TBXAS1: variants seen among roughly 807,000 people sequenced by gnomAD.
TBXAS1 encodes the protein thromboxane A synthase 1, also known as thromboxane-A synthase.
Under a neutral mutation model 60.7 loss-of-function variants are expected in TBXAS1, and 48 were observed. The observed-to-expected ratio is 0.79, with a 90% CI of 0.63 to 1.01. TBXAS1 has a LOEUF of 1.01. Ranked by LOEUF, TBXAS1 falls within the 50% of genes least tolerant of loss-of-function variation. TBXAS1 has a pLI of 0.00. For synonymous variants in TBXAS1, 287 were observed against 269.7 expected (o/e 1.06, Z -0.63); for missense variants, 685 against 686.3 (o/e 1.00, Z 0.02).
rs2116442507 is a variant in TBXAS1, at chr7:140,013,540, G to A, written c.1227-2183G>A. Among the ~76,000 whole-genome samples the A allele has an allele frequency of 6.6e-6, 1 of 152,356 alleles. No individual in the cohort carries two copies. Among genetic ancestry groups the A allele is most frequent in the African/African-American group, 2.4e-5 (1 of 41,588 alleles). On this transcript the variant is annotated intron_variant, in intron 10 of 12. Transcript: ENST00000448866. The surrounding 1 kb of genome is among the most constrained non-coding windows in gnomAD (Gnocchi z 4.2). ...AATGGTGCTTTCTTGAGTCACGGGT[G>A]TTGGTTGTAAGAAACTGGTGGGGTA...
chr7:140,004,626 A>C lies in TBXAS1; in HGVS notation c.1135-2465A>C, dbSNP rs913799314. 6.6e-6 allele frequency among the ~76,000 whole-genome samples: 1 copy of C among 152,022 alleles called. No individual in the cohort carries two copies. The highest frequency in any genetic ancestry group is 2.4e-5 in the African/African-American group (1 of 41,390). On this transcript the variant is annotated intron_variant, in intron 9 of 12. Transcript: ENST00000448866. This position sits in a 1 kb window ranked among gnomAD's most constrained non-coding sequence, Gnocchi z 5.1. ...CTGGACATACTGGATGAGCGGGGGG[A>C]GTCCAGACCCTTCCAGGCATCCAAG...
chr7:139,857,668 C>T lies in TBXAS1; in HGVS notation c.90-14567C>T, dbSNP rs919292022. On this transcript the variant is annotated intron_variant, in intron 1 of 12. Transcript: ENST00000448866. ...TTTAATTCTCACTGGGACAGAAGGG[C>T]AAGACACTTTCCCAGGGTCAGAATC... Among the ~76,000 whole-genome samples, 6 of 151,886 alleles carry T rather than the reference C, an allele frequency of 4.0e-5. 1 individual carries two copies. In the South Asian group the frequency reaches 8.3e-4, roughly 21 times the overall value.
intron 9 of TBXAS1, among the ~76,000 whole-genome samples, chr7:139,965,771 A>G (rs1810740504): frequency 6.6e-6 from 1 of 152,200 alleles, no homozygotes; most frequent in South Asian, 2.1e-4. Context: ...TTTTAAAAAC[A>G]TACATTTGGT....
At chr7:139,875,698 G>C (rs17161200) in intron 3 of TBXAS1, 61 bp downstream of exon 3, 1 of 1,576,414 alleles carries the variant, frequency 6.3e-7, no homozygotes, top group Admixed American at 1.7e-5. Context: ...ACGATATTTT[G>C]ATTTTCACGT....
chr7:140,017,580 C>T (rs985324495), intron 11 of TBXAS1, 91 bp from the exon 12 acceptor site: 3 of 1,548,212 alleles, frequency 1.9e-6, no homozygotes, highest in African/African-American at 2.7e-5. Flanking sequence ...ACATCCTTGT[C>T]TCAGATGCAG....
rs147668774 is a variant in TBXAS1, at chr7:140,013,203, G to A, written c.1227-2520G>A. Among the ~76,000 whole-genome samples, 140 of 152,300 alleles carry A rather than the reference G, an allele frequency of 9.2e-4. No individual in the cohort carries two copies. The highest frequency in any genetic ancestry group is 2.6e-3 in the African/African-American group (110 of 41,564). On this transcript the variant is annotated intron_variant, in intron 10 of 12. Coordinates refer to ENST00000448866, the MANE Select transcript of TBXAS1 (RefSeq NM_001061.7). This position sits in a 1 kb window ranked among gnomAD's most constrained non-coding sequence, Gnocchi z 4.2. ...CAGGTAAGACTGTTGTCTGGCAAGTGAACTGTTTGCTCACGCAAGCAAACC... is the reference window on the plus strand; with the variant it reads ...CAGGTAAGACTGTTGTCTGGCAAGTAAACTGTTTGCTCACGCAAGCAAACC...
chr7:139,917,172 GAGA>G lies in TBXAS1; in HGVS notation c.333+5854_333+5856del, dbSNP rs550055478. The stretch of plus-strand genomic sequence containing the variant: ...TACGGGTCTACAGCTCTGAGCAAGG[GAGA>G]AGTTCTTCCTGAAAGCACAAACAGA... On this transcript the variant is annotated intron_variant, in intron 4 of 12. Transcript: ENST00000448866. Among the ~76,000 whole-genome samples, 22 of 152,312 alleles carry G rather than the reference GAGA, an allele frequency of 1.4e-4. No homozygotes were observed. The East Asian group carries it at 4.2e-3, about 29-fold the overall frequency.
In TBXAS1 at chr7:139,798,524, A is replaced by G. The variant is rs1797629684; in HGVS notation, c.-80+11098A>G. Among the ~76,000 whole-genome samples, 4 of 152,336 alleles carry G rather than the reference A, an allele frequency of 2.6e-5. No individual in the cohort carries two copies. In the South Asian group the frequency reaches 8.3e-4, roughly 32 times the overall value. On this transcript the variant is annotated intron_variant, in intron 4 of 16. Transcript: ENST00000336425. ...GTCAGCTGGGCTAACGCTGAAAAATAGTGATCTGTGTCAGTTTTGAGAAGT... is the reference window on the plus strand; with the variant it reads ...GTCAGCTGGGCTAACGCTGAAAAATGGTGATCTGTGTCAGTTTTGAGAAGT...
chr7:139,881,460 C>G (rs911543717), intron 3 of TBXAS1, among the ~76,000 whole-genome samples: 3 of 152,046 alleles, frequency 2.0e-5, no homozygotes, highest in East Asian at 3.8e-4. Context: ...CTTTTTCCCC[C>G]CCTCCAGGAG....
intron 3 of TBXAS1, among the ~76,000 whole-genome samples, chr7:139,903,380 A>G (rs1055101466): frequency 6.6e-6 from 1 of 152,036 alleles, no homozygotes; most frequent in Non-Finnish European, 1.5e-5. Context: ...TGATTTTGCA[A>G]TCGTGAGTTG....
chr7:139,811,801 T>C (rs946250268), intron 4 of TBXAS1, among the ~76,000 whole-genome samples: 1 of 152,240 alleles, frequency 6.6e-6, no homozygotes. Context: ...CTGTTGTGAA[T>C]GAGAAATGCC....
intron 5 of TBXAS1, chr7:139,952,519 G>A (rs746443214): frequency 6.5e-7 from 1 of 1,534,780 alleles, no homozygotes; most frequent in Non-Finnish European, 8.7e-7. Context: ...AGAATGGGCA[G>A]CGAATAAAAT....
In TBXAS1 at chr7:139,831,683, G is replaced by A. The variant is rs948292330; in HGVS notation, c.89+2204G>A. Among the ~76,000 whole-genome samples, 7 of 152,326 alleles carry A rather than the reference G, an allele frequency of 4.6e-5. No homozygotes were observed. In the South Asian group the frequency reaches 1.4e-3, roughly 32 times the overall value. On this transcript the variant is annotated intron_variant, in intron 1 of 12. Transcript: ENST00000448866. ...GCGGTGGCTCATGCCTATAATCCCA[G>A]CACTTTGGGAGGCCAAGGCAGACAG...
intron 3 of TBXAS1, among the ~76,000 whole-genome samples, chr7:139,905,028 TTTC>T (rs1351489462): frequency 8.3e-4 from 69 of 83,350 alleles, no homozygotes; most frequent in South Asian, 1.4e-3. Flanking sequence ...TCTTTCTTTC[TTTC>T]TTTCTTTCTT....
chr7:139,788,309 A>G (rs1379832437), intron 4 of TBXAS1, among the ~76,000 whole-genome samples: 5 of 152,214 alleles, frequency 3.3e-5, no homozygotes, highest in African/African-American at 1.2e-4. Context: ...ATATCTGCAT[A>G]GTATTTATTC....
intron 8 of TBXAS1, among the ~76,000 whole-genome samples, chr7:139,959,462 C>A (rs1267729705): frequency 6.6e-6 from 1 of 152,170 alleles, no homozygotes; most frequent in African/African-American, 2.4e-5. Flanking sequence ...CCGTTTCAGT[C>A]CTCAATGGGC....
chr7:140,010,563 G>T (rs541907564), intron 10 of TBXAS1, among the ~76,000 whole-genome samples: 27 of 152,300 alleles, frequency 1.8e-4, no homozygotes, highest in Non-Finnish European at 3.5e-4. Context: ...AACAAGCAGG[G>T]TGCCAGGGAA....
At chr7:140,001,567 T>C (rs1333777423) in intron 9 of TBXAS1, among the ~76,000 whole-genome samples, 4 of 152,142 alleles carry the variant, frequency 2.6e-5, no homozygotes, top group Non-Finnish European at 5.9e-5. Context: ...ATTTTTCTAT[T>C]TTGAGTAGAG....
chr7:139,971,630 CCACATCCCCTGGAGATACTCAAAG>C (rs1811204940), intron 9 of TBXAS1, among the ~76,000 whole-genome samples: 1 of 152,070 alleles, frequency 6.6e-6, no homozygotes, highest in African/African-American at 2.4e-5. Context: ...CCAGACTCCT[CCACATCCCCTGGAGATACTCAAAG>C]CCCATGCCCA....
Sources: allele counts gnomAD v4.1 joint callset (sites outside exome capture counted in the v4.1 genomes callset), GRCh38; gene constraint gnomAD v4.1.1; non-coding constraint Gnocchi (gnomAD v3.1); transcripts MANE v1.5; gene names NCBI Gene and HGNC (gene_info 2026-07-23, HGNC 2026-07-21).